C14orf93: variants seen among roughly 807,000 people sequenced by gnomAD.
The protein encoded by C14orf93 is chromosome 14 open reading frame 93.
C14orf93 carries 23 observed loss-of-function variants against 44.0 expected under a neutral mutation model. The ratio of observed to expected loss-of-function variants is 0.52; its 90% confidence interval spans 0.38 to 0.74. C14orf93 has a LOEUF of 0.74. C14orf93 is among the 30% of genes least tolerant of loss of function. C14orf93 has a pLI of 0.00. For missense variants in C14orf93, 579 were observed against 678.9 expected (o/e 0.85, Z 1.64); for synonymous variants, 253 against 265.7 (o/e 0.95, Z 0.46).
intron 1 of C14orf93, chr14:23,002,737 G>A (rs2046376264): frequency 6.6e-6 from 1 of 150,980 alleles, no homozygotes; most frequent in South Asian, 2.1e-4. Context: ...TTTTTTTTAA[G>A]AGGCGGGGTC....
chr14:22,996,979 ACACG>A lies in C14orf93; in HGVS notation c.598-715_598-712del, dbSNP rs894158829. ...ATACTGAAAGTGGGGACACACACGC[ACACG>A]CACACACACACACACACACACACAC... On this transcript the variant is annotated intron_variant, in intron 2 of 6. Coordinates refer to ENST00000299088, the MANE Select transcript of C14orf93 (RefSeq NM_021944.4). This position sits in a 1 kb window ranked among gnomAD's most constrained non-coding sequence, Gnocchi z 4.1. 2.0e-5 allele frequency among the ~76,000 whole-genome samples: 1 copy of A among 49,816 alleles called. No individual in the cohort carries two copies. Among genetic ancestry groups the A allele is most frequent in the Non-Finnish European group, 4.2e-5 (1 of 23,722 alleles). The allele number at this position is 49,816 out of a possible 152,430, so 32.7% of individuals were successfully genotyped here.
At chr14:22,994,003 G>A (rs1468448789) in intron 3 of C14orf93, 1 of 152,272 alleles carries the variant, frequency 6.6e-6, no homozygotes, top group Non-Finnish European at 1.5e-5. Flanking sequence ...CTCAAGCACA[G>A]AATAGAGAGA....
chr14:22,993,182 A>G (rs2045769229), intron 3 of C14orf93, among the ~76,000 whole-genome samples: 2 of 152,206 alleles, frequency 1.3e-5, no homozygotes, highest in Non-Finnish European at 2.9e-5. Flanking sequence ...ACCCGGCCCT[A>G]ATGCAGGGTT....
Position 22,987,861 on chromosome 14 carries a change from G to T in C14orf93, c.1197+42C>A. On this transcript the variant is annotated intron_variant, in intron 6 of 6. Coordinates refer to ENST00000299088, the MANE Select transcript of C14orf93 (RefSeq NM_021944.4). The surrounding 1 kb of genome is among the most constrained non-coding windows in gnomAD (Gnocchi z 5.6). ...TCTGGCCCTTCCCACTTAGGAAAGG[G>T]TTTAGAGTTTAGTATCTTGAAAGAA... is the stretch of plus-strand genomic sequence containing the variant. The T allele has an allele frequency of 1.3e-6, 2 of 1,512,278 alleles. No individual in the cohort carries two copies. The highest frequency in any genetic ancestry group is 1.8e-6 in the Non-Finnish European group (2 of 1,089,818). The allele number at this position is 1,512,278 out of a possible 1,614,324, so 93.7% of individuals were successfully genotyped here.
chr14:23,001,839 TAAAAAA>T (rs780256403), intron 1 of C14orf93, among the ~76,000 whole-genome samples: 17 of 59,550 alleles, frequency 2.9e-4, no homozygotes, highest in Non-Finnish European at 4.3e-4. Context: ...TACTGCAGGT[TAAAAAA>T]AAAAAAAAAA....
At position 22,986,942 on chromosome 14, in the gene C14orf93, A is replaced by AT. The variant is rs2045257214; in HGVS notation, c.*272dup. 2.1e-6 allele frequency: 1 copy of AT among 466,454 alleles called. No homozygotes were observed. The highest frequency in any genetic ancestry group is 2.6e-5 in the South Asian group (1 of 39,014). 28.9% of individuals were successfully genotyped at this position (466,454 alleles called of 1,614,324 possible). On this transcript the variant is annotated 3_prime_UTR_variant, in exon 7 of 7. Coordinates refer to ENST00000299088, the MANE Select transcript of C14orf93 (RefSeq NM_021944.4). ...CATGTTTCTTGGACCCATCCTCCTC[A>AT]TTTTCTCATCCCAGGCTTCTCCGAG...
intron 1 of C14orf93, among the ~76,000 whole-genome samples, chr14:23,008,149 CG>C (rs1325397296): frequency 8.7e-6 from 1 of 115,202 alleles, no homozygotes; most frequent in Non-Finnish European, 1.7e-5. Context: ...AGCGAAACTC[CG>C]TTTCAAAAAA....
At chr14:22,989,712 T>C (rs1232429672) in intron 5 of C14orf93, 30 bp downstream of exon 5, 7 of 1,431,298 alleles carry the variant, frequency 4.9e-6, no homozygotes, top group Middle Eastern at 3.5e-4. Flanking sequence ...GGAGAAAGGA[T>C]GGCATAGGAG....
At position 22,998,961 on chromosome 14, in the gene C14orf93, G is replaced by C. The variant is rs1231364636; in HGVS notation, c.63C>G (p.Cys21Trp). Residue 21 changes from cysteine to tryptophan, a missense_variant, in exon 2 of 7, where the codon TGC (cysteine) becomes TGG (tryptophan). Physicochemically the swap from Cys to Trp is radical, Grantham distance 215 (BLOSUM62 -2). Transcript: ENST00000299088. ...CATTAGTCTCACTCTTACAGGCGCA[G>C]CAGCAGCATCTGGCCTCGCTGCCAC... ...PPSGSEARCC[C>W]CACKSETNGG... 1.2e-6 allele frequency: 2 copies of C among 1,613,634 alleles called. No homozygotes were observed. Among genetic ancestry groups the C allele is most frequent in the African/African-American group, 2.7e-5 (2 of 74,918 alleles).
intron 3 of C14orf93, among the ~76,000 whole-genome samples, chr14:22,992,718 G>C (rs1355918557): frequency 2.0e-5 from 3 of 151,514 alleles, no homozygotes; most frequent in Admixed American, 2.0e-4. Context: ...CTAGTTAGCT[G>C]GGATTACAGG....
In C14orf93 at chr14:23,008,163, A is replaced by G. The variant is rs1331492464; in HGVS notation, c.-380+1938T>C. On this transcript the variant is annotated intron_variant, in intron 1 of 6. Coordinates refer to ENST00000299088, the MANE Select transcript of C14orf93 (RefSeq NM_021944.4). ...GAGCGAAACTCCGTTTCAAAAAAAA[A>G]AAAAAAAAAAAAAAAAACTCCCATC... Among the ~76,000 whole-genome samples the G allele has an allele frequency of 3.1e-5, 3 of 96,584 alleles. No homozygotes were observed. In the South Asian group the frequency reaches 8.4e-4, roughly 27 times the overall value. 63.4% of individuals were successfully genotyped at this position (96,584 alleles called of 152,430 possible).
intron 1 of C14orf93, chr14:23,002,660 T>C (rs183377999): frequency 4.7e-4 from 71 of 152,262 alleles, no homozygotes; most frequent in African/African-American, 1.6e-3. Flanking sequence ...GGCTGGATGA[T>C]ATTATGGTTA....
chr14:22,986,898 GCA>G lies in C14orf93; in HGVS notation c.*315_*316del, dbSNP rs2045253961. On this transcript the variant is annotated 3_prime_UTR_variant, in exon 7 of 7. Coordinates refer to ENST00000299088, the MANE Select transcript of C14orf93 (RefSeq NM_021944.4). ...GGGGCAGAAACAACTCAGAGACAGG[GCA>G]TATGTCAAGAAGGCCTCATGTTTCT... is the stretch of plus-strand genomic sequence containing the variant. 2.8e-5 allele frequency: 10 copies of G among 362,314 alleles called. No homozygotes were observed. The highest frequency in any genetic ancestry group is 1.6e-3 in the Middle Eastern group (2 of 1,232). 22.4% of individuals were successfully genotyped at this position (362,314 alleles called of 1,614,324 possible). A position where few individuals can be genotyped will look rare whatever the true frequency, so the allele number is the denominator to read the frequency against.
chr14:23,008,063 G>C (rs1418847773), intron 1 of C14orf93, among the ~76,000 whole-genome samples: 1 of 147,132 alleles, frequency 6.8e-6, no homozygotes, highest in East Asian at 2.1e-4. Context: ...CGAGACAGGA[G>C]AATCGCTTGA....
In C14orf93 at chr14:22,987,937, T is replaced by C. The variant is rs764119648; in HGVS notation, c.1163A>G (p.Lys388Arg). 1.2e-6 allele frequency: 2 copies of C among 1,614,032 alleles called. No homozygotes were observed. The highest frequency in any genetic ancestry group is 1.7e-6 in the Non-Finnish European group (2 of 1,179,936). ...GCGACTTCGAAGTTTCTTCTCCTCT[T>C]TTTCCTTCAGGCCTTTAAAGGGGTT... ...SLNPFKGLKE[K>R]EEKKLRSRRY... Residue 388 changes from lysine to arginine, a missense_variant, in exon 6 of 7, where the codon AAA becomes AGA. By Grantham distance (26) the Lys-to-Arg change is conservative. Coordinates refer to ENST00000299088, the MANE Select transcript of C14orf93 (RefSeq NM_021944.4). The surrounding 1 kb of genome is among the most constrained non-coding windows in gnomAD (Gnocchi z 5.6).
intron 1 of C14orf93, chr14:23,007,177 GC>G (rs2046666492): frequency 6.6e-6 from 1 of 152,248 alleles, no homozygotes; most frequent in African/African-American, 2.4e-5. Context: ...GGGAGACACC[GC>G]CCCGTTTGCC....
intron 3 of C14orf93, among the ~76,000 whole-genome samples, chr14:22,992,478 AAAAG>A (rs1340220720): frequency 4.6e-5 from 7 of 151,404 alleles, no homozygotes; most frequent in South Asian, 2.1e-4. Flanking sequence ...AAAAAAAAAA[AAAAG>A]AAAGAAAAAG....
intron 5 of C14orf93, 116 bp downstream of exon 5, chr14:22,989,626 C>G: frequency 1.4e-6 from 1 of 740,234 alleles, no homozygotes. Flanking sequence ...TTCAAATCCA[C>G]TATTTTCAAA....
chr14:23,000,552 C>T (rs2046235746), intron 1 of C14orf93, among the ~76,000 whole-genome samples: 1 of 151,942 alleles, frequency 6.6e-6, no homozygotes, highest in Admixed American at 6.6e-5. Flanking sequence ...CCTGTCTCTA[C>T]TAAAAATACA....
Sources: allele counts gnomAD v4.1 joint callset (sites outside exome capture counted in the v4.1 genomes callset), GRCh38; gene constraint gnomAD v4.1.1; non-coding constraint Gnocchi (gnomAD v3.1); transcripts MANE v1.5; gene names NCBI Gene and HGNC (gene_info 2026-07-23, HGNC 2026-07-21).